The following PIP4K2A variants were observed in gnomAD, a reference collection of about 807,000 sequenced individuals.
PIP4K2A encodes the protein phosphatidylinositol 5-phosphate 4-kinase type-2 alpha.
A neutral mutation model predicts 42.9 loss-of-function variants in PIP4K2A; 14 were observed. The observed-to-expected ratio is 0.33, with a 90% CI of 0.22 to 0.51. The LOEUF (loss-of-function observed/expected upper bound fraction) is 0.51. Among genes scored for constraint, PIP4K2A ranks in the 20% least tolerant of loss-of-function variants. The probability of loss-of-function intolerance (pLI) is 0.97; values close to 1 mark genes in which losing one functional copy is unlikely to be tolerated. For synonymous variants in PIP4K2A, 192 were observed against 192.2 expected, an observed-to-expected ratio of 1.00 and a Z score of 0.01; for missense variants, 434 against 519.8, an observed-to-expected ratio of 0.83 and a Z score of 1.61.
chr10:22,673,738 A>G (rs903959739), intron 1 of PIP4K2A, among the ~76,000 whole-genome samples: 1 of 152,230 alleles, frequency 6.6e-6, no homozygotes, highest in Non-Finnish European at 1.5e-5. Context: ...CACAGCCAAT[A>G]ATAAACTAGA....
At chr10:22,680,579 C>CAT (rs35315826) in intron 1 of PIP4K2A, among the ~76,000 whole-genome samples, 58 of 152,202 alleles carry the variant, frequency 3.8e-4, no homozygotes, top group Non-Finnish European at 7.4e-4. Flanking sequence ...TAGCATACAT[C>CAT]CCTAGTCCTT....
intron 1 of PIP4K2A, among the ~76,000 whole-genome samples, chr10:22,666,597 T>C (rs1441630132): frequency 6.6e-6 from 1 of 152,228 alleles, no homozygotes; most frequent in Non-Finnish European, 1.5e-5. Context: ...AGCCCCTGTG[T>C]CAACATCCTG....
intron 6 of PIP4K2A, among the ~76,000 whole-genome samples, chr10:22,559,023 G>C (rs187323450): frequency 7.2e-5 from 11 of 152,254 alleles, no homozygotes; most frequent in African/African-American, 2.2e-4. Flanking sequence ...TATGACAGCT[G>C]AACTGCATAC....
intron 1 of PIP4K2A, among the ~76,000 whole-genome samples, chr10:22,635,446 G>A (rs2130779883): frequency 6.6e-6 from 1 of 152,248 alleles, no homozygotes; most frequent in African/African-American, 2.4e-5. Context: ...AAAAAGAAAA[G>A]TTGCTAACAG....
intron 1 of PIP4K2A, among the ~76,000 whole-genome samples, chr10:22,659,189 C>G (rs1481903865): frequency 6.6e-6 from 1 of 152,146 alleles, no homozygotes; most frequent in Non-Finnish European, 1.5e-5. Flanking sequence ...CTAGCTTTAC[C>G]CAGTCTTCAG....
intron 1 of PIP4K2A, among the ~76,000 whole-genome samples, chr10:22,627,630 A>AAAAAAAAAAAG (rs1346625282): frequency 5.1e-5 from 6 of 118,136 alleles, no homozygotes; most frequent in Non-Finnish European, 9.1e-5. Context: ...AAAAAAAAAA[A>AAAAAAAAAAAG]AGATAAGGAA....
At chr10:22,553,178 A>C (rs1030917525) in intron 6 of PIP4K2A, among the ~76,000 whole-genome samples, 1 of 152,230 alleles carries the variant, frequency 6.6e-6, no homozygotes, top group African/African-American at 2.4e-5. Context: ...GATTGGCTAA[A>C]AGACTTAAGG....
At chr10:22,571,239 G>T (rs1025000688) in intron 5 of PIP4K2A, among the ~76,000 whole-genome samples, 1 of 152,178 alleles carries the variant, frequency 6.6e-6, no homozygotes, top group Admixed American at 6.5e-5. Flanking sequence ...CTGGGCATGT[G>T]ACTGATGTTT....
chr10:22,608,089 G>T, intron 2 of PIP4K2A, 66 bp from the exon 3 acceptor site: 1 of 1,010,506 alleles, frequency 9.9e-7, no homozygotes, highest in South Asian at 1.4e-5. Context: ...TGCCACCACT[G>T]AGTTCCACAG....
intron 4 of PIP4K2A, among the ~76,000 whole-genome samples, chr10:22,576,756 A>G (rs1205768339): frequency 1.3e-5 from 2 of 152,358 alleles, no homozygotes. Flanking sequence ...ATTAAACCTC[A>G]AAACCCCCTC....
intron 1 of PIP4K2A, among the ~76,000 whole-genome samples, chr10:22,705,480 T>G (rs1457166474): frequency 2.5e-5 from 2 of 80,154 alleles, no homozygotes; most frequent in Non-Finnish European, 4.8e-5. Flanking sequence ...GAGATGACAA[T>G]GAGGACAAAA....
rs992647141 is a variant in PIP4K2A, at chr10:22,707,240, C to T, written c.144+6943G>A. On this transcript the variant is annotated intron_variant, in intron 1 of 9. Transcript: ENST00000376573. ...ATATAACAAACTTCCAAAGTAGGTACCATTATTACCTCCTTTTATAATCAA... is the reference window on the plus strand; with the variant it reads ...ATATAACAAACTTCCAAAGTAGGTATCATTATTACCTCCTTTTATAATCAA... 3.3e-5 allele frequency among the ~76,000 whole-genome samples: 5 copies of T among 152,286 alleles called. No homozygotes were observed. In the East Asian group the frequency reaches 9.7e-4, roughly 29 times the overall value.
At chr10:22,597,255 C>T (rs1219071203) in intron 3 of PIP4K2A, among the ~76,000 whole-genome samples, 3 of 152,128 alleles carry the variant, frequency 2.0e-5, no homozygotes, top group Non-Finnish European at 2.9e-5. Context: ...ACAGGAAGAC[C>T]GTGCTGCTGA....
At chr10:22,662,988 A>C (rs1239176583) in intron 1 of PIP4K2A, among the ~76,000 whole-genome samples, 1 of 152,226 alleles carries the variant, frequency 6.6e-6, no homozygotes, top group Non-Finnish European at 1.5e-5. Flanking sequence ...GAGAAAGAGG[A>C]GGCAACTGAT....
At chr10:22,557,214 C>T (rs1014443104) in intron 6 of PIP4K2A, among the ~76,000 whole-genome samples, 7 of 152,142 alleles carry the variant, frequency 4.6e-5, no homozygotes, top group African/African-American at 1.7e-4. Context: ...TTTCTAAACA[C>T]ATGCCGCCTT....
At chr10:22,593,887 T>C (rs1193397806) in intron 3 of PIP4K2A, among the ~76,000 whole-genome samples, 2 of 152,232 alleles carry the variant, frequency 1.3e-5, no homozygotes, top group Non-Finnish European at 2.9e-5. Flanking sequence ...AGGAGAACTG[T>C]ATTCAGCACA....
intron 3 of PIP4K2A, among the ~76,000 whole-genome samples, chr10:22,601,133 A>AAAAAAAC (rs1837759228): frequency 1.7e-5 from 1 of 57,186 alleles, no homozygotes; most frequent in Non-Finnish European, 2.8e-5. Context: ...ACTGTCTCAA[A>AAAAAAAC]AAAAAAAAAA....
At chr10:22,545,351 T>C (rs1181074387) in intron 7 of PIP4K2A, among the ~76,000 whole-genome samples, 1 of 152,198 alleles carries the variant, frequency 6.6e-6, no homozygotes, top group Non-Finnish European at 1.5e-5. Context: ...AAGTATGTTT[T>C]AGTTACAGAA....
chr10:22,606,174 G>A (rs940958909), intron 3 of PIP4K2A, among the ~76,000 whole-genome samples: 1 of 150,688 alleles, frequency 6.6e-6, no homozygotes, highest in African/African-American at 2.4e-5. Flanking sequence ...AGCTGGGCAT[G>A]GTGGTGCACA....
Sources: gnomAD v4.1 joint callset for allele counts (sites outside exome capture counted in the v4.1 genomes callset) on GRCh38, gnomAD v4.1.1 for gene constraint, MANE v1.5 for transcripts, NCBI Gene and HGNC (gene_info 2026-07-23, HGNC 2026-07-21) for gene names.